SH3RF3: variants seen among roughly 807,000 people sequenced by gnomAD.
SH3RF3 encodes SH3 domain containing ring finger 3, also known as E3 ubiquitin-protein ligase SH3RF3.
Under a neutral mutation model 66.3 loss-of-function variants are expected in SH3RF3, and 29 were observed. The observed-to-expected ratio is 0.44, with a 90% CI of 0.33 to 0.60. The LOEUF is 0.60. SH3RF3 is among the 20% of genes least tolerant of loss of function. The pLI, the probability that SH3RF3 is intolerant of heterozygous loss-of-function variation, is 0.04. For synonymous variants in SH3RF3, 583 were observed against 532.0 expected (o/e 1.10, Z -1.32); for missense variants, 1,194 against 1,190.9 (o/e 1.00, Z -0.04).
At chr2:109,173,918 G>A (rs915905498) in intron 1 of SH3RF3, among the ~76,000 whole-genome samples, 2 of 152,244 alleles carry the variant, frequency 1.3e-5, no homozygotes, top group Non-Finnish European at 2.9e-5. Context: ...AATCCGGTGT[G>A]GGCCAATTCT....
chr2:109,451,533 A>T (rs1677866668), intron 8 of SH3RF3, among the ~76,000 whole-genome samples: 1 of 149,940 alleles, frequency 6.7e-6, no homozygotes, highest in Non-Finnish European at 1.5e-5. Context: ...TTTCTATGAC[A>T]TTACGTCCTG....
At chr2:109,351,381 T>A (rs6753492) in intron 2 of SH3RF3, among the ~76,000 whole-genome samples, 1 of 152,148 alleles carries the variant, frequency 6.6e-6, no homozygotes, top group South Asian at 2.1e-4. Context: ...TGTGGTGTGC[T>A]GAGAACCACA....
chr2:109,330,345 CG>C (rs1394928205), intron 1 of SH3RF3, among the ~76,000 whole-genome samples: 1 of 152,144 alleles, frequency 6.6e-6, no homozygotes, highest in Non-Finnish European at 1.5e-5. Flanking sequence ...TATCTCTCTC[CG>C]TCTCTTCCTT....
At chr2:109,206,798 AAGAG>A (rs956046706) in intron 1 of SH3RF3, among the ~76,000 whole-genome samples, 3 of 152,212 alleles carry the variant, frequency 2.0e-5, no homozygotes, top group Non-Finnish European at 2.9e-5. Context: ...CCTGGGTGAC[AAGAG>A]AGAGACACTA....
Position 109,319,768 on chromosome 2 carries a change from G to A in SH3RF3, c.574-27906G>A, listed in dbSNP as rs539474354. On this transcript the variant is annotated intron_variant, in intron 1 of 9. Transcript: ENST00000309415. Reference sequence around the variant, plus strand: ...CAGCCTGTCCAGGCCGTGTGTGGCTGTTTCCCTTCACTGCCCAGTCCAATC... The same window carrying A: ...CAGCCTGTCCAGGCCGTGTGTGGCTATTTCCCTTCACTGCCCAGTCCAATC... Among the ~76,000 whole-genome samples the A allele has an allele frequency of 1.1e-4, 17 of 152,344 alleles. No individual in the cohort carries two copies. In the East Asian group the frequency reaches 3.3e-3, roughly 29 times the overall value.
intron 1 of SH3RF3, among the ~76,000 whole-genome samples, chr2:109,141,063 G>A (rs1245780418): frequency 6.6e-6 from 1 of 152,168 alleles, no homozygotes; most frequent in Non-Finnish European, 1.5e-5. Flanking sequence ...TTGTATTGAA[G>A]GGATCAATGC....
At chr2:109,293,711 A>T (rs1055985141) in intron 1 of SH3RF3, among the ~76,000 whole-genome samples, 3 of 152,216 alleles carry the variant, frequency 2.0e-5, no homozygotes, top group African/African-American at 7.2e-5. Context: ...AGCAATGTTC[A>T]TGTTGGCTGT....
At chr2:109,244,526 C>T (rs549527034) in intron 1 of SH3RF3, among the ~76,000 whole-genome samples, 1 of 152,250 alleles carries the variant, frequency 6.6e-6, no homozygotes, top group South Asian at 2.1e-4. Context: ...ATTTATAGGG[C>T]CCTAAGCTGT....
chr2:109,493,121 T>C lies in SH3RF3; in HGVS notation c.2480+2185T>C, dbSNP rs1326447534. Among the ~76,000 whole-genome samples the C allele has an allele frequency of 2.4e-3, 224 of 95,192 alleles. 2 individuals are homozygous for C. The highest frequency in any genetic ancestry group is 7.9e-3 in the African/African-American group (214 of 26,950). 62.4% of individuals were successfully genotyped at this position (95,192 alleles called of 152,430 possible). A position where few individuals can be genotyped will look rare whatever the true frequency, so the allele number is the denominator to read the frequency against. Reference sequence around the variant, plus strand: ...ACACATACACCACAGATACATCATATAAACACACATACCCCACATACATCA... The same window carrying C: ...ACACATACACCACAGATACATCATACAAACACACATACCCCACATACATCA... On this transcript the variant is annotated intron_variant, in intron 9 of 9. Coordinates refer to ENST00000309415, the MANE Select transcript of SH3RF3 (RefSeq NM_001099289.3).
At chr2:109,345,702 T>C (rs1468356474) in intron 1 of SH3RF3, among the ~76,000 whole-genome samples, 1 of 152,226 alleles carries the variant, frequency 6.6e-6, no homozygotes, top group Non-Finnish European at 1.5e-5. Context: ...ATAAATGTTA[T>C]ATTTAACTTT....
intron 1 of SH3RF3, among the ~76,000 whole-genome samples, chr2:109,306,157 G>A (rs1048918824): frequency 6.6e-6 from 1 of 152,152 alleles, no homozygotes; most frequent in Non-Finnish European, 1.5e-5. Context: ...TCAACACGTC[G>A]CTTATAGAGA....
intron 9 of SH3RF3, among the ~76,000 whole-genome samples, chr2:109,492,196 C>T (rs562989065): frequency 2.0e-5 from 3 of 152,284 alleles, no homozygotes; most frequent in Admixed American, 6.5e-5. Flanking sequence ...GTACAATTTT[C>T]GTAGGTCATG....
intron 3 of SH3RF3, among the ~76,000 whole-genome samples, chr2:109,376,230 G>A (rs80021941): frequency 0.057 from 8,687 of 152,366 alleles, 388 homozygotes; most frequent in Non-Finnish European, 0.078. Flanking sequence ...TTTGAAGGCA[G>A]GGCAGTTTCC....
intron 8 of SH3RF3, among the ~76,000 whole-genome samples, chr2:109,488,000 CAG>C (rs1244248062): frequency 1.3e-5 from 2 of 152,216 alleles, no homozygotes; most frequent in African/African-American, 4.8e-5. Flanking sequence ...GAAGAGGAAA[CAG>C]AAGTGGGCAG....
chr2:109,386,605 G>C (rs1320289977), intron 3 of SH3RF3, among the ~76,000 whole-genome samples: 1 of 152,088 alleles, frequency 6.6e-6, no homozygotes, highest in Non-Finnish European at 1.5e-5. Context: ...CTTCCCTTCT[G>C]TTTGGGCCCG....
intron 1 of SH3RF3, among the ~76,000 whole-genome samples, chr2:109,347,047 T>C (rs1682726801): frequency 6.6e-6 from 1 of 152,186 alleles, no homozygotes; most frequent in African/African-American, 2.4e-5. Flanking sequence ...ATGAGTCCTC[T>C]GAGTGGAACG....
At chr2:109,287,086 A>T (rs188902852) in intron 1 of SH3RF3, among the ~76,000 whole-genome samples, 1 of 152,274 alleles carries the variant, frequency 6.6e-6, no homozygotes, top group East Asian at 1.9e-4. Flanking sequence ...TGTTTCTGTG[A>T]TCTCATCTGT....
At chr2:109,403,457 G>A (rs1559065120) in intron 4 of SH3RF3, among the ~76,000 whole-genome samples, 1 of 152,212 alleles carries the variant, frequency 6.6e-6, no homozygotes, top group African/African-American at 2.4e-5. Flanking sequence ...GACACCTCAG[G>A]GCTGTACTTC....
At chr2:109,347,090 C>T (rs1198853257) in intron 1 of SH3RF3, among the ~76,000 whole-genome samples, 2 of 152,204 alleles carry the variant, frequency 1.3e-5, no homozygotes, top group Non-Finnish European at 2.9e-5. Flanking sequence ...ACGCCTGCTG[C>T]TCAGCTTCAA....
Sources: allele counts gnomAD v4.1 joint callset (sites outside exome capture counted in the v4.1 genomes callset), GRCh38; gene constraint gnomAD v4.1.1; transcripts MANE v1.5; gene names NCBI Gene and HGNC (gene_info 2026-07-23, HGNC 2026-07-21).